Variants in PCDHA11 observed in about 807,000 individuals in gnomAD.
The protein encoded by PCDHA11 is protocadherin alpha 11.
A neutral mutation model predicts 70.3 loss-of-function variants in PCDHA11; 61 were observed. That is an observed-to-expected ratio of 0.87 (90% confidence interval 0.71 to 1.07). The LOEUF is 1.07. Ranked by LOEUF, PCDHA11 falls within the 50% of genes least tolerant of loss-of-function variation. The pLI, the probability that PCDHA11 is intolerant of heterozygous loss-of-function variation, is 0.00. For missense variants in PCDHA11, 1,324 were observed against 1,237.5 expected (o/e 1.07, Z -1.05); for synonymous variants, 633 against 555.1 (o/e 1.14, Z -1.97).
chr5:140,963,196 G>GA (rs199602110), intron 1 of PCDHA11, among the ~76,000 whole-genome samples: 256 of 147,602 alleles, frequency 1.7e-3, no homozygotes, highest in African/African-American at 4.3e-3. Flanking sequence ...CTGTGAAAAT[G>GA]AAAAAAAAAA....
chr5:140,902,565 T>G (rs571957153), intron 1 of PCDHA11, among the ~76,000 whole-genome samples: 1 of 152,110 alleles, frequency 6.6e-6, no homozygotes. Context: ...TTTTTGAGGG[T>G]TTTTAAGATT....
intron 1 of PCDHA11, among the ~76,000 whole-genome samples, chr5:140,975,052 T>C (rs2096651440): frequency 6.6e-6 from 1 of 152,206 alleles, no homozygotes; most frequent in South Asian, 2.1e-4. Context: ...AGGAAGAATC[T>C]ACTATCGAGC....
chr5:140,877,684 A>C, intron 1 of PCDHA11: 1 of 1,613,768 alleles, frequency 6.2e-7, no homozygotes, highest in East Asian at 2.2e-5. Flanking sequence ...GGGCAAGCCC[A>C]CGCTGGTGTG....
chr5:140,882,852 T>C, intron 1 of PCDHA11: 2 of 1,614,216 alleles, frequency 1.2e-6, no homozygotes, highest in Non-Finnish European at 1.7e-6. Flanking sequence ...TTATCACTTG[T>C]ACTGAGGAAA....
chr5:140,885,480 A>G (rs782437070), intron 1 of PCDHA11, among the ~76,000 whole-genome samples: 7 of 152,158 alleles, frequency 4.6e-5, no homozygotes, highest in Non-Finnish European at 7.4e-5. Context: ...ACTTTGTGTC[A>G]AGTGTTCTGT....
At chr5:140,877,869 T>G (rs782747532) in intron 1 of PCDHA11, 1 of 1,488,856 alleles carries the variant, frequency 6.7e-7, no homozygotes, top group African/African-American at 1.4e-5. Context: ...TAGATATATT[T>G]GTTTCCTTGA....
intron 1 of PCDHA11, chr5:140,877,135 G>A (rs1554169356): frequency 2.5e-6 from 4 of 1,613,790 alleles, no homozygotes; most frequent in Non-Finnish European, 3.4e-6. Flanking sequence ...GCAGGTGTTC[G>A]TGCTGGACGA....
chr5:140,883,071 A>T, intron 1 of PCDHA11: 1 of 1,614,116 alleles, frequency 6.2e-7, no homozygotes, highest in Non-Finnish European at 8.5e-7. Context: ...AATGCCACAG[A>T]TCCTGATGAT....
At chr5:140,888,161 C>G (rs1272451290) in intron 1 of PCDHA11, among the ~76,000 whole-genome samples, 1 of 152,160 alleles carries the variant, frequency 6.6e-6, no homozygotes, top group Non-Finnish European at 1.5e-5. Context: ...CTGGTAATCT[C>G]TAATAAGATG....
intron 1 of PCDHA11, chr5:140,877,297 T>C (rs782559386): frequency 6.2e-7 from 1 of 1,613,924 alleles, no homozygotes; most frequent in East Asian, 2.2e-5. Context: ...TTGGCTGTCC[T>C]ACGAGTTGCA....
rs782742972 is a variant in PCDHA11, at chr5:140,869,914, G to A, written c.811G>A (p.Glu271Lys). Residue 271 changes from glutamate (E) to lysine (K), a missense_variant, in exon 1 of 4, where the codon GAA becomes AAA. Glu to Lys is a moderately conservative substitution (Grantham distance 56). Transcript: ENST00000398640. ...VLKLNATDRD[E>K]GVNGEVTYSL... The stretch of plus-strand genomic sequence containing the variant: ...CAAACTAAACGCCACAGACCGAGAC[G>A]AAGGAGTCAATGGAGAGGTAACATA... 1 of 1,611,078 alleles carries A rather than the reference G, an allele frequency of 6.2e-7. No individual in the cohort carries two copies. Among genetic ancestry groups the A allele is most frequent in the South Asian group, 1.1e-5 (1 of 90,638 alleles).
chr5:140,995,526 A>G (rs1241973159), intron 3 of PCDHA11, among the ~76,000 whole-genome samples: 1 of 152,244 alleles, frequency 6.6e-6, no homozygotes, highest in Non-Finnish European at 1.5e-5. Context: ...TCAGAAATCA[A>G]ACCTCAAATA....
chr5:140,929,161 C>T lies in PCDHA11; in HGVS notation c.2392-49788C>T. On this transcript the variant is annotated intron_variant, in intron 1 of 3. Transcript: ENST00000398640. ...GAGACTTTCTCAGACTTATCTCTAT[C>T]GGGCCTCTCTGGGACTTGGTTCTGA... 2 of 1,614,136 alleles carry T rather than the reference C, an allele frequency of 1.2e-6. No homozygotes were observed. The highest frequency in any genetic ancestry group is 1.7e-6 in the Non-Finnish European group (2 of 1,180,028).
chr5:140,884,820 T>C (rs1318105542), intron 1 of PCDHA11: 4 of 1,013,184 alleles, frequency 3.9e-6, no homozygotes, highest in African/African-American at 3.3e-5. Context: ...GTGGACATTA[T>C]GTGTTGGATT....
intron 1 of PCDHA11, among the ~76,000 whole-genome samples, chr5:140,912,582 T>C (rs2075986919): frequency 6.6e-6 from 1 of 152,214 alleles, no homozygotes. Context: ...TTTTCCAATT[T>C]GGATGCCCTT....
chr5:140,969,257 A>G, intron 1 of PCDHA11: 1 of 1,614,220 alleles, frequency 6.2e-7, no homozygotes, highest in Non-Finnish European at 8.5e-7. Context: ...TGACAGCAGG[A>G]ATCTCACAGG....
chr5:140,940,825 G>A (rs782539336), intron 1 of PCDHA11, among the ~76,000 whole-genome samples: 53 of 152,232 alleles, frequency 3.5e-4, no homozygotes, highest in South Asian at 6.2e-4. Context: ...ATCTTGGATG[G>A]AAATACCTTT....
chr5:140,962,008 C>T (rs1363169601), intron 1 of PCDHA11, among the ~76,000 whole-genome samples: 5 of 152,088 alleles, frequency 3.3e-5, no homozygotes, highest in South Asian at 2.1e-4. Context: ...CTCAGCTTCC[C>T]GAGTAGCTGG....
intron 1 of PCDHA11, among the ~76,000 whole-genome samples, chr5:140,954,689 A>T (rs1392082377): frequency 2.0e-5 from 3 of 152,164 alleles, no homozygotes; most frequent in Non-Finnish European, 4.4e-5. Context: ...TCAGATGGAT[A>T]GACTACAAAA....
Sources: gnomAD v4.1 joint callset for allele counts (sites outside exome capture counted in the v4.1 genomes callset) on GRCh38, gnomAD v4.1.1 for gene constraint, MANE v1.5 for transcripts, NCBI Gene and HGNC (gene_info 2026-07-23, HGNC 2026-07-21) for gene names.